TIAM1: variants seen among roughly 807,000 people sequenced by gnomAD.
TIAM1 encodes TIAM Rac1 associated GEF 1.
A neutral mutation model predicts 163.5 loss-of-function variants in TIAM1; 65 were observed. The ratio of observed to expected loss-of-function variants is 0.40; its 90% CI spans 0.33 to 0.49. The LOEUF is 0.49. Ranked by LOEUF, TIAM1 falls within the 20% of genes least tolerant of loss-of-function variation. The probability of loss-of-function intolerance (pLI) is 0.77; values close to 1 mark genes in which losing one functional copy is unlikely to be tolerated. For missense variants in TIAM1, 1,789 were observed against 2,044.7 expected (o/e 0.87, Z 2.41); for synonymous variants, 833 against 810.1 (o/e 1.03, Z -0.48).
chr21:31,210,747 G>A (rs200178703), intron 10 of TIAM1, among the ~76,000 whole-genome samples: 549 of 39,196 alleles, frequency 0.014, 17 homozygotes, highest in Admixed American at 0.056. Context: ...AGGAAGGAAG[G>A]GAGAAAGAAA....
chr21:31,532,270 T>G (rs1182675018), intron 1 of TIAM1, among the ~76,000 whole-genome samples: 1 of 152,178 alleles, frequency 6.6e-6, no homozygotes, highest in Non-Finnish European at 1.5e-5. Context: ...TTGGTCCAAC[T>G]AAAACTAGGC....
chr21:31,301,873 T>TA (rs1569187939), intron 2 of TIAM1, among the ~76,000 whole-genome samples: 1 of 147,478 alleles, frequency 6.8e-6, no homozygotes, highest in Non-Finnish European at 1.5e-5. Flanking sequence ...AATAAATAAA[T>TA]AAAATATATA....
intron 1 of TIAM1, among the ~76,000 whole-genome samples, chr21:31,507,766 G>A (rs1349470414): frequency 2.0e-5 from 3 of 152,216 alleles, no homozygotes; most frequent in Non-Finnish European, 2.9e-5. Flanking sequence ...TGAAACTGAC[G>A]CAGGCAGCAG....
chr21:31,289,300 C>T (rs758919534), intron 2 of TIAM1, among the ~76,000 whole-genome samples: 13 of 152,176 alleles, frequency 8.5e-5, no homozygotes, highest in Admixed American at 1.3e-4. Context: ...ACACAAGTGA[C>T]TTGGCCCAAC....
At chr21:31,130,410 G>GT (rs1392501992) in intron 24 of TIAM1, 95 bp from the exon 25 acceptor site, 2 of 973,554 alleles carry the variant, frequency 2.1e-6, no homozygotes, top group African/African-American at 3.2e-5. Context: ...CTCTCACGCA[G>GT]TAACTCTAGG....
rs7279461 is a variant in TIAM1 at position 31,140,597 on chromosome 21, G to A, written c.3774+521C>T. ...CATACTTTTATTCAGGTAAGTGCAT[G>A]TTAATGACTCAGGCACAACTTTTAG... On this transcript the variant is annotated intron_variant, in intron 22 of 27. Coordinates refer to ENST00000541036, the MANE Select transcript of TIAM1 (RefSeq NM_001353694.2). Among the ~76,000 whole-genome samples the A allele has an allele frequency of 4.7e-3, 721 of 152,332 alleles. 5 individuals carry two copies. The highest frequency in any genetic ancestry group is 0.016 in the African/African-American group (683 of 41,576).
intron 27 of TIAM1, 93 bp downstream of exon 27, chr21:31,124,429 C>T: frequency 6.5e-7 from 1 of 1,548,294 alleles, no homozygotes; most frequent in African/African-American, 1.4e-5. Context: ...CAGGCCACAC[C>T]TCACCCCCAC....
At chr21:31,330,457 G>A (rs2075642740) in intron 2 of TIAM1, among the ~76,000 whole-genome samples, 3 of 152,008 alleles carry the variant, frequency 2.0e-5, no homozygotes, top group African/African-American at 4.8e-5. Flanking sequence ...TCTTTTTTGG[G>A]GGACAGAGTT....
intron 15 of TIAM1, among the ~76,000 whole-genome samples, chr21:31,165,751 T>C (rs1174510295): frequency 6.6e-6 from 1 of 151,980 alleles, no homozygotes; most frequent in African/African-American, 2.4e-5. Context: ...ATTGATGAAT[T>C]AATTCATTAA....
intron 6 of TIAM1, among the ~76,000 whole-genome samples, chr21:31,228,919 G>C (rs899330340): frequency 1.3e-5 from 2 of 152,094 alleles, no homozygotes; most frequent in Non-Finnish European, 2.9e-5. Context: ...AAGCAGGGGG[G>C]AAAGCCCCTT....
rs1485043555 is a variant in TIAM1, at chr21:31,141,656, C to T, written c.3476-152G>A. 8 of 780,630 alleles carry T rather than the reference C, an allele frequency of 1.0e-5. No homozygotes were observed. Among genetic ancestry groups the T allele is most frequent in the Non-Finnish European group, 1.6e-5 (8 of 493,660 alleles). 48.4% of individuals were successfully genotyped at this position (780,630 alleles called of 1,614,324 possible). ...GAAGAGGGACAGGTAGGGGAGGGGG[C>T]AGTCAGGGAGACCACAGGCAGTCAG... On this transcript the variant is annotated intron_variant, in intron 20 of 27. Transcript: ENST00000541036. This position sits in a 1 kb window ranked among gnomAD's most constrained non-coding sequence, Gnocchi z 4.7.
chr21:31,519,320 A>G (rs969393091), intron 1 of TIAM1, among the ~76,000 whole-genome samples: 6 of 149,178 alleles, frequency 4.0e-5, no homozygotes, highest in Non-Finnish European at 8.9e-5. Context: ...AAAAAAAAAA[A>G]AAAAAAAAGA....
intron 2 of TIAM1, among the ~76,000 whole-genome samples, chr21:31,439,848 TTTAAAAAAGAGGGAGGGGTCTCTCG>T (rs774860390): frequency 2.9e-4 from 44 of 152,140 alleles, no homozygotes; most frequent in Non-Finnish European, 5.3e-4. Flanking sequence ...GTAATCTATG[TTTAAAAAAGAGGGAGGGGTCTCTCG>T]AAGAACCACT....
At chr21:31,370,737 A>G (rs1394201417) in intron 2 of TIAM1, among the ~76,000 whole-genome samples, 1 of 152,166 alleles carries the variant, frequency 6.6e-6, no homozygotes, top group Non-Finnish European at 1.5e-5. Context: ...CTGCAGACAT[A>G]TTTTGTTTGG....
intron 2 of TIAM1, among the ~76,000 whole-genome samples, chr21:31,292,670 CTTT>C (rs66519831): frequency 7.6e-6 from 1 of 131,940 alleles, no homozygotes; most frequent in Non-Finnish European, 1.6e-5. Context: ...GTGCCTGGCA[CTTT>C]TTTTTTTTTT....
chr21:31,459,600 G>A lies in TIAM1; in HGVS notation c.-369+4383C>T, dbSNP rs144705466. On this transcript the variant is annotated intron_variant, in intron 2 of 28. Coordinates refer to the TIAM1 transcript ENST00000286827. Reference sequence around the variant, plus strand: ...CTTTCCAGTAAGGGTGCTGGGCAGTGTTGCCTCCCCACCCTAGATGGCGTC... The same window carrying A: ...CTTTCCAGTAAGGGTGCTGGGCAGTATTGCCTCCCCACCCTAGATGGCGTC... Among the ~76,000 whole-genome samples the A allele has an allele frequency of 2.0e-3, 298 of 152,298 alleles. 1 individual carries two copies. Among genetic ancestry groups the A allele is most frequent in the African/African-American group, 6.7e-3 (280 of 41,560 alleles).
At chr21:31,237,832 T>C (rs892596949) in intron 6 of TIAM1, among the ~76,000 whole-genome samples, 1 of 152,206 alleles carries the variant, frequency 6.6e-6, no homozygotes, top group Admixed American at 6.6e-5. Flanking sequence ...GTGGGTGAGC[T>C]TTTTGGAATT....
chr21:31,297,577 T>C (rs1407304174), intron 2 of TIAM1, among the ~76,000 whole-genome samples: 1 of 152,140 alleles, frequency 6.6e-6, no homozygotes, highest in Non-Finnish European at 1.5e-5. Flanking sequence ...GTATTTTAGG[T>C]ATCACCATGT....
At chr21:31,201,842 T>C (rs1305541202) in intron 12 of TIAM1, among the ~76,000 whole-genome samples, 1 of 152,196 alleles carries the variant, frequency 6.6e-6, no homozygotes, top group Non-Finnish European at 1.5e-5. Flanking sequence ...CCAAAATGTT[T>C]CTTTCCTGGA....
Sources: allele counts gnomAD v4.1 joint callset (sites outside exome capture counted in the v4.1 genomes callset), GRCh38; gene constraint gnomAD v4.1.1; non-coding constraint Gnocchi (gnomAD v3.1); transcripts MANE v1.5; gene names NCBI Gene and HGNC (gene_info 2026-07-23, HGNC 2026-07-21).